Variants in ACSF3 observed in about 807,000 individuals in gnomAD.
ACSF3 encodes the protein acyl-CoA synthetase family member 3.
ACSF3 carries 78 observed loss-of-function variants against 53.2 expected under a neutral mutation model. That is an observed-to-expected ratio of 1.47 (90% confidence interval 1.22 to 1.77). The LOEUF (loss-of-function observed/expected upper bound fraction) is 1.77. Among genes scored for constraint, ACSF3 ranks in the 40% most tolerant of loss-of-function variants. The probability of loss-of-function intolerance (pLI) is 0.00; values close to 1 mark genes in which losing one functional copy is unlikely to be tolerated. For missense variants in ACSF3, 937 were observed against 771.1 expected, an observed-to-expected ratio of 1.22 and a Z score of -2.55; for synonymous variants, 414 against 333.1, an observed-to-expected ratio of 1.24 and a Z score of -2.65.
intron 8 of ACSF3, chr16:89,141,068 G>A (rs1597225996): frequency 3.9e-6 from 5 of 1,272,038 alleles, no homozygotes; most frequent in Non-Finnish European, 5.1e-6. Flanking sequence ...ATTTCACAGT[G>A]ATCGCAAGTT....
intron 6 of ACSF3, among the ~76,000 whole-genome samples, chr16:89,119,284 C>T (rs914794532): frequency 1.3e-5 from 2 of 152,194 alleles, no homozygotes; most frequent in Non-Finnish European, 2.9e-5. Context: ...CGTGTCCTTG[C>T]GCTGCGTCCC....
In ACSF3 at chr16:89,118,561, A is replaced by AGAG. The variant is rs1567709265; in HGVS notation, c.1127-2240_1127-2239insGAG. On this transcript the variant is annotated intron_variant, in intron 6 of 10. Transcript: ENST00000614302. Reference sequence around the variant, plus strand: ...TGCTCAGTGCACTGTCCGTGCTCGGAAGAGAGAGAAGCTGGGTGGAGGGTG... The same window carrying AGAG: ...TGCTCAGTGCACTGTCCGTGCTCGGAGAGAGAGAGAGAAGCTGGGTGGAGGGTG... Among the ~76,000 whole-genome samples the AGAG allele has an allele frequency of 1.1e-3, 167 of 151,832 alleles. 2 individuals carry two copies. The highest frequency in any genetic ancestry group is 3.7e-3 in the African/African-American group (153 of 41,374).
chr16:89,107,279 A>C (rs779835892), intron 4 of ACSF3, among the ~76,000 whole-genome samples: 21 of 152,272 alleles, frequency 1.4e-4, no homozygotes, highest in Middle Eastern at 6.8e-3. Flanking sequence ...GAAGATTTGG[A>C]TGAATTCCAA....
At chr16:89,145,525 T>C (rs1912759452) in intron 9 of ACSF3, 124 bp downstream of exon 9, 3 of 1,200,886 alleles carry the variant, frequency 2.5e-6, no homozygotes, top group Non-Finnish European at 3.5e-6. Flanking sequence ...CCTGTGATGC[T>C]CACCTCTGGT....
At position 89,155,233 on chromosome 16, in the gene ACSF3, G is replaced by A. The variant is rs1015300869; in HGVS notation, c.*1026G>A. On this transcript the variant is annotated 3_prime_UTR_variant, in exon 11 of 11. Coordinates refer to ENST00000614302, the MANE Select transcript of ACSF3 (RefSeq NM_001243279.3). ...TCCCCACAGCCTGGGGGAAGTAACAGTCATCGCCCAGCAGTGTCTGGCCTG... is the reference window on the plus strand; with the variant it reads ...TCCCCACAGCCTGGGGGAAGTAACAATCATCGCCCAGCAGTGTCTGGCCTG... 8.8e-6 allele frequency: 4 copies of A among 453,342 alleles called. No individual in the cohort carries two copies. Among genetic ancestry groups the A allele is most frequent in the Non-Finnish European group, 1.8e-5 (4 of 226,800 alleles). 28.1% of individuals were successfully genotyped at this position (453,342 alleles called of 1,614,324 possible).
intron 5 of ACSF3, chr16:89,113,756 C>G (rs1904491561): frequency 2.0e-5 from 4 of 197,098 alleles, no homozygotes; most frequent in Admixed American, 1.1e-4. Context: ...GGCCCGTGTT[C>G]TCCTGCCAAG....
At chr16:89,145,066 G>A (rs941433365) in intron 8 of ACSF3, 7 of 1,428,006 alleles carry the variant, frequency 4.9e-6, no homozygotes, top group Non-Finnish European at 6.7e-6. Flanking sequence ...ACCTTGGGAC[G>A]CACGTCGTGA....
intron 10 of ACSF3, chr16:89,152,269 C>G (rs1914181093): frequency 6.6e-6 from 1 of 152,268 alleles, no homozygotes; most frequent in African/African-American, 2.4e-5. Flanking sequence ...CCCTTTCAGT[C>G]TGGGCGCTAC....
chr16:89,124,080 TA>T (rs1443311128), intron 7 of ACSF3, among the ~76,000 whole-genome samples: 410 of 4,480 alleles, frequency 0.092, 3 homozygotes, highest in Middle Eastern at 0.25. Flanking sequence ...CACACATGCC[TA>T]GTGTGCGCAT....
At chr16:89,123,625 G>T (rs1216239971) in intron 7 of ACSF3, among the ~76,000 whole-genome samples, 1 of 152,236 alleles carries the variant, frequency 6.6e-6, no homozygotes, top group Admixed American at 6.5e-5. Flanking sequence ...GGCCTGTGGA[G>T]TGACTCATGA....
rs762053293 is a variant in ACSF3, at chr16:89,100,899, C to G, written c.218C>G (p.Ser73Cys). Reference sequence around the variant, plus strand: ...CGCCACACGTACAGGGAGCTTTATTCCCGCAGCCTTCGCCTGTCCCAGGAG... The same window carrying G: ...CGCCACACGTACAGGGAGCTTTATTGCCGCAGCCTTCGCCTGTCCCAGGAG... ...HGRHTYRELYSRSLRLSQEIC... is the reference protein window; with the variant it reads ...HGRHTYRELYCRSLRLSQEIC... The change falls in exon 3 of 11, where the codon TCC becomes TGC. Residue 73 changes from serine to cysteine, a missense_variant. Transcript: ENST00000614302. The G allele has an allele frequency of 5.0e-6, 8 of 1,613,758 alleles. No individual in the cohort carries two copies. The East Asian group carries it at 1.8e-4, about 36-fold the overall frequency.
chr16:89,128,014 A>C (rs1208714228), intron 7 of ACSF3, among the ~76,000 whole-genome samples: 1 of 151,760 alleles, frequency 6.6e-6, no homozygotes, highest in Non-Finnish European at 1.5e-5. Context: ...TCTTTTTTCA[A>C]AGAAGTCACT....
chr16:89,115,427 C>G (rs1055842040), intron 6 of ACSF3: 1 of 152,334 alleles, frequency 6.6e-6, no homozygotes. Context: ...GACGTGGCCT[C>G]TGAGCCTGTC....
chr16:89,110,900 T>G (rs1198123452), intron 4 of ACSF3, among the ~76,000 whole-genome samples: 1 of 152,218 alleles, frequency 6.6e-6, no homozygotes, highest in African/African-American at 2.4e-5. Flanking sequence ...GTGTCTTTGC[T>G]TTCCCGTCTG....
At chr16:89,116,098 A>AGT (rs1399643616) in intron 6 of ACSF3, among the ~76,000 whole-genome samples, 1 of 152,194 alleles carries the variant, frequency 6.6e-6, no homozygotes, top group Admixed American at 6.5e-5. Flanking sequence ...TGGGACCATG[A>AGT]TCCATTTTGA....
At chr16:89,111,114 C>T (rs2151440776) in intron 4 of ACSF3, among the ~76,000 whole-genome samples, 1 of 152,316 alleles carries the variant, frequency 6.6e-6, no homozygotes, top group African/African-American at 2.4e-5. Context: ...CCTTAATCTG[C>T]TTATTGCAGT....
At chr16:89,133,604 C>T (rs1909799552) in intron 8 of ACSF3, among the ~76,000 whole-genome samples, 1 of 152,200 alleles carries the variant, frequency 6.6e-6, no homozygotes, top group African/African-American at 2.4e-5. Context: ...TTCCTGGTGG[C>T]CCTGCTGCCC....
At position 89,133,207 on chromosome 16, in the gene ACSF3, G is replaced by A. The variant is rs1909702747; in HGVS notation, c.1311G>A (p.Trp437Ter). Residue 437 changes from tryptophan to a stop codon, truncating the protein, a stop_gained, in exon 8 of 11, where the codon TGG becomes TGA. Transcript: ENST00000614302. LOFTEE classifies it high-confidence loss of function. ...GACCCTCCGTGTTTCGAGAATACTG[G>A]AATAAACCAGAAGAAACTAAGAGTG... ...VRGPSVFREY[W>*]NKPEETKSAF... 1.9e-6 allele frequency: 3 copies of A among 1,614,140 alleles called. No individual in the cohort carries two copies. The highest frequency in any genetic ancestry group is 2.2e-5 in the South Asian group (2 of 91,090).
chr16:89,117,769 G>T (rs1905434837), intron 6 of ACSF3, among the ~76,000 whole-genome samples: 1 of 152,176 alleles, frequency 6.6e-6, no homozygotes, highest in Non-Finnish European at 1.5e-5. Context: ...GAACAGGAAG[G>T]AGCCCCAGAC....
Sources: gnomAD v4.1 joint callset for allele counts (sites outside exome capture counted in the v4.1 genomes callset) on GRCh38, gnomAD v4.1.1 for gene constraint, MANE v1.5 for transcripts, NCBI Gene and HGNC (gene_info 2026-07-23, HGNC 2026-07-21) for gene names.